SAMD5: variants seen among roughly 807,000 people sequenced by gnomAD.
SAMD5 encodes the protein sterile alpha motif domain containing 5.
In SAMD5, 13 loss-of-function variants were observed where a neutral mutation model predicts 11.3. The observed-to-expected ratio is 1.15, with a 90% CI of 0.75 to 1.83. The LOEUF is 1.83. Among genes scored for constraint, SAMD5 ranks in the 40% most tolerant of loss-of-function variants. SAMD5 has a pLI of 0.00. For synonymous variants in SAMD5, 129 were observed against 111.3 expected (o/e 1.16, Z -1.00); for missense variants, 255 against 239.1 (o/e 1.07, Z -0.44).
At chr6:147,636,931 A>G (rs1156665375) in intron 1 of SAMD5, among the ~76,000 whole-genome samples, 2 of 151,614 alleles carry the variant, frequency 1.3e-5, no homozygotes, top group East Asian at 3.9e-4. Context: ...TTTTTTAAAG[A>G]CATCGTATTG....
chr6:147,727,536 G>T lies in SAMD5; in HGVS notation c.163-9781G>T, dbSNP rs139443842. Among the ~76,000 whole-genome samples, 110 of 152,332 alleles carry T rather than the reference G, an allele frequency of 7.2e-4. 1 individual carries two copies. Among genetic ancestry groups the T allele is most frequent in the African/African-American group, 2.4e-3 (98 of 41,570 alleles). ...GGGTTCAGCACAAGGGAGGCACTCA[G>T]TAAGTTATTAGCCAATGAATGTGGA... On this transcript the variant is annotated intron_variant, in intron 1 of 1. Transcript: ENST00000566741.
the SAMD5 span, among the ~76,000 whole-genome samples, chr6:147,805,081 CTCTT>C: frequency 2.0e-5 from 3 of 152,222 alleles, no homozygotes; most frequent in Non-Finnish European, 4.4e-5. Flanking sequence ...CCATGGCAAT[CTCTT>C]TCTTTTATCC....
the SAMD5 span, among the ~76,000 whole-genome samples, chr6:147,767,260 T>TAATTAGGGTTAGATGAGTTTGTCGG: frequency 6.6e-6 from 1 of 152,060 alleles, no homozygotes; most frequent in African/African-American, 2.4e-5. Flanking sequence ...TCAACACCTG[T>TAATTAGGGTTAGATGAGTTTGTCGG]GGAGGAAGAA....
chr6:147,735,747 C>A (rs1005175522), intron 1 of SAMD5, among the ~76,000 whole-genome samples: 2 of 151,958 alleles, frequency 1.3e-5, no homozygotes, highest in Non-Finnish European at 2.9e-5. Flanking sequence ...AATCCAGAGT[C>A]ACCATTGTAG....
chr6:147,574,970 A>G (rs922823575), downstream of SAMD5, among the ~76,000 whole-genome samples: 3 of 152,242 alleles, frequency 2.0e-5, no homozygotes, highest in African/African-American at 7.2e-5. Context: ...ACCATTAAGA[A>G]AGGAGAATGC....
the SAMD5 span, among the ~76,000 whole-genome samples, chr6:147,807,234 G>T: frequency 6.6e-6 from 1 of 152,088 alleles, no homozygotes; most frequent in African/African-American, 2.4e-5. Flanking sequence ...TGAGTAGCTG[G>T]GACTACAGGC....
chr6:147,800,707 T>C, the SAMD5 span, among the ~76,000 whole-genome samples: 4 of 152,144 alleles, frequency 2.6e-5, no homozygotes, highest in East Asian at 1.9e-4. Flanking sequence ...TGTTTAATTC[T>C]AAAAGCCTAA....
intron 1 of SAMD5, among the ~76,000 whole-genome samples, chr6:147,701,608 C>G (rs954331460): frequency 2.7e-5 from 4 of 148,782 alleles, no homozygotes; most frequent in African/African-American, 1.0e-4. Flanking sequence ...TGCAAGTGAG[C>G]CAAAATTGTG....
At chr6:147,599,001 T>C (rs1351287090) in intron 1 of SAMD5, among the ~76,000 whole-genome samples, 1 of 152,202 alleles carries the variant, frequency 6.6e-6, no homozygotes, top group Non-Finnish European at 1.5e-5. Context: ...ACGCTGACAC[T>C]GTGTCATGGA....
intron 1 of SAMD5, among the ~76,000 whole-genome samples, chr6:147,698,157 G>A (rs1791204412): frequency 6.6e-6 from 1 of 152,088 alleles, no homozygotes; most frequent in African/African-American, 2.4e-5. Context: ...CTTGCTTGGC[G>A]GCTGCTCACC....
downstream of SAMD5, among the ~76,000 whole-genome samples, chr6:147,738,724 A>G (rs1438434824): frequency 6.6e-6 from 1 of 152,190 alleles, no homozygotes; most frequent in African/African-American, 2.4e-5. Context: ...GCCTGGGATG[A>G]AAAACCATAA....
chr6:147,730,074 C>CAA (rs34624038), intron 1 of SAMD5: 26,275 of 297,282 alleles, frequency 0.088, 223 homozygotes, highest in South Asian at 0.098. Context: ...GACTCTGTCT[C>CAA]AAAAAAAAAA....
chr6:147,865,044 T>C, the SAMD5 span, among the ~76,000 whole-genome samples: 1 of 152,220 alleles, frequency 6.6e-6, no homozygotes, highest in African/African-American at 2.4e-5. Flanking sequence ...ATTAGGGAAG[T>C]AAAATATATT....
At chr6:147,860,586 T>A in the SAMD5 span, among the ~76,000 whole-genome samples, 5 of 152,176 alleles carry the variant, frequency 3.3e-5, no homozygotes, top group Non-Finnish European at 7.4e-5. Flanking sequence ...AAGATTTCAC[T>A]AGTTGCCAGC....
Position 147,551,739 on chromosome 6 carries a change from T to C in SAMD5, c.460-12655T>C, listed in dbSNP as rs756698950. 8.7e-5 allele frequency among the ~76,000 whole-genome samples: 13 copies of C among 150,088 alleles called. 1 individual carries two copies. The highest frequency in any genetic ancestry group is 6.2e-4 in the South Asian group (3 of 4,804). On this transcript the variant is annotated intron_variant, in intron 1 of 1. Coordinates refer to ENST00000367474, the MANE Select transcript of SAMD5 (RefSeq NM_001030060.3). ...ATGTGAAAGGTTATTTTTTATTCGA[T>C]CTCAAACGAAATGAAAAGCACAGAA... is the stretch of plus-strand genomic sequence containing the variant.
intron 1 of SAMD5, among the ~76,000 whole-genome samples, chr6:147,554,415 G>A (rs1352137363): frequency 6.6e-6 from 1 of 152,330 alleles, no homozygotes; most frequent in East Asian, 1.9e-4. Flanking sequence ...GATTCATCAA[G>A]TGAGGTCGTG....
At chr6:147,630,448 G>A (rs1471931706) in intron 1 of SAMD5, among the ~76,000 whole-genome samples, 2 of 152,108 alleles carry the variant, frequency 1.3e-5, no homozygotes, top group African/African-American at 4.8e-5. Flanking sequence ...CACAAAATAA[G>A]TGAAAATGGC....
chr6:147,524,219 C>A (rs1788300280), intron 1 of SAMD5, among the ~76,000 whole-genome samples: 1 of 152,000 alleles, frequency 6.6e-6, no homozygotes, highest in Non-Finnish European at 1.5e-5. Context: ...CTTCTGATCA[C>A]TTCTCCAAAC....
chr6:147,954,517 G>A, the SAMD5 span, among the ~76,000 whole-genome samples: 1 of 152,110 alleles, frequency 6.6e-6, no homozygotes, highest in African/African-American at 2.4e-5. Flanking sequence ...AAACCTATGG[G>A]AGTGTACGCT....
Sources: allele counts gnomAD v4.1 joint callset (sites outside exome capture counted in the v4.1 genomes callset), GRCh38; gene constraint gnomAD v4.1.1; transcripts MANE v1.5; gene names NCBI Gene and HGNC (gene_info 2026-07-23, HGNC 2026-07-21).